Variants in NBEA observed in about 807,000 individuals in gnomAD.
NBEA encodes neurobeachin.
In NBEA, 44 loss-of-function variants were observed where a neutral mutation model predicts 343.4. That is an observed-to-expected ratio of 0.13 (90% confidence interval 0.10 to 0.16). NBEA has a LOEUF of 0.16. NBEA is among the 10% of genes least tolerant of loss of function. The pLI, the probability that NBEA is intolerant of heterozygous loss-of-function variation, is 1.00. For missense variants in NBEA, 2,555 were observed against 3,631.3 expected, an observed-to-expected ratio of 0.70 and a Z score of 7.62; for synonymous variants, 1,175 against 1,238.7, an observed-to-expected ratio of 0.95 and a Z score of 1.08.
At chr13:35,076,079 G>T (rs1033879163) in intron 10 of NBEA, among the ~76,000 whole-genome samples, 2 of 151,706 alleles carry the variant, frequency 1.3e-5, no homozygotes, top group Non-Finnish European at 2.9e-5. Flanking sequence ...TTATCTTATG[G>T]AGGTGGTGGT....
chr13:35,333,077 T>G (rs1337105649), intron 36 of NBEA, among the ~76,000 whole-genome samples: 1 of 152,132 alleles, frequency 6.6e-6, no homozygotes, highest in Non-Finnish European at 1.5e-5. Context: ...TAGTGGACTC[T>G]TCTTGTTATC....
At chr13:35,273,675 A>C (rs2034353889) in intron 34 of NBEA, among the ~76,000 whole-genome samples, 1 of 152,174 alleles carries the variant, frequency 6.6e-6, no homozygotes, top group Admixed American at 6.5e-5. Flanking sequence ...AAAATGATAA[A>C]GGGGATATCA....
intron 8 of NBEA, among the ~76,000 whole-genome samples, chr13:35,069,299 CAA>C (rs1253371576): frequency 6.6e-6 from 1 of 152,112 alleles, no homozygotes; most frequent in Non-Finnish European, 1.5e-5. Context: ...CCACATCTAA[CAA>C]TACCTTTCTT....
At chr13:35,414,106 C>G (rs1002532382) in intron 38 of NBEA, among the ~76,000 whole-genome samples, 1 of 152,022 alleles carries the variant, frequency 6.6e-6, no homozygotes, top group African/African-American at 2.4e-5. Flanking sequence ...TTTTATATAC[C>G]AAACTGAGGA....
chr13:35,403,914 A>T (rs2152909317), intron 38 of NBEA, among the ~76,000 whole-genome samples: 1 of 152,278 alleles, frequency 6.6e-6, no homozygotes, highest in East Asian at 1.9e-4. Flanking sequence ...TACAAGAAAA[A>T]AACAACACCA....
At chr13:35,656,062 A>G (rs936909699) in intron 55 of NBEA, among the ~76,000 whole-genome samples, 2 of 152,160 alleles carry the variant, frequency 1.3e-5, no homozygotes, top group Non-Finnish European at 2.9e-5. Context: ...ATTAAACCTC[A>G]TATTATTTCT....
chr13:35,325,908 A>G (rs1287994517), intron 36 of NBEA, among the ~76,000 whole-genome samples: 1 of 152,064 alleles, frequency 6.6e-6, no homozygotes, highest in Non-Finnish European at 1.5e-5. Context: ...TTTATTGAAT[A>G]AGGAGTCCTT....
chr13:35,269,247 G>A (rs2033939648), intron 34 of NBEA, among the ~76,000 whole-genome samples: 1 of 152,044 alleles, frequency 6.6e-6, no homozygotes, highest in Non-Finnish European at 1.5e-5. Context: ...TTTAGTCGAT[G>A]CAGAAAATGC....
rs1358110053 is a variant in NBEA, at chr13:35,396,358, C to A, written c.6180-35911C>A. On this transcript the variant is annotated intron_variant, in intron 38 of 58. Coordinates refer to ENST00000379939, the MANE Select transcript of NBEA (RefSeq NM_001385012.1). ...TTATTTCTGCTTTGTGCTCTATTCT[C>A]CCTTTCATTCTTTTTTTGAATTATA... Among the ~76,000 whole-genome samples the A allele has an allele frequency of 2.0e-5, 3 of 151,788 alleles. No individual in the cohort carries two copies. The East Asian group carries it at 5.8e-4, about 29-fold the overall frequency.
intron 47 of NBEA, among the ~76,000 whole-genome samples, chr13:35,602,679 A>G (rs1002048571): frequency 3.9e-5 from 6 of 152,180 alleles, no homozygotes; most frequent in African/African-American, 1.2e-4. Context: ...ATTTATGACC[A>G]CATTTGGGTG....
At chr13:35,647,951 C>T (rs763578130) in intron 51 of NBEA, among the ~76,000 whole-genome samples, 5 of 152,092 alleles carry the variant, frequency 3.3e-5, no homozygotes, top group Non-Finnish European at 5.9e-5. Context: ...TCATGGCTCA[C>T]TGCAGCCTCA....
At chr13:35,260,826 C>A (rs1593980044) in intron 34 of NBEA, among the ~76,000 whole-genome samples, 1 of 152,100 alleles carries the variant, frequency 6.6e-6, no homozygotes, top group Admixed American at 6.5e-5. Flanking sequence ...TAATTGATTT[C>A]CTGGGACAGA....
At chr13:35,064,721 A>T (rs143093195) in intron 8 of NBEA, among the ~76,000 whole-genome samples, 50 of 151,894 alleles carry the variant, frequency 3.3e-4, no homozygotes, top group African/African-American at 1.2e-3. Flanking sequence ...CCCTAATCCA[A>T]TGTGACTAGT....
chr13:35,201,987 T>C (rs931290353), intron 31 of NBEA, among the ~76,000 whole-genome samples: 2 of 152,126 alleles, frequency 1.3e-5, no homozygotes, highest in African/African-American at 2.4e-5. Context: ...AATTCTGAAA[T>C]AATTCTTGTT....
intron 40 of NBEA, among the ~76,000 whole-genome samples, chr13:35,465,319 T>G (rs1000105312): frequency 3.3e-5 from 5 of 152,154 alleles, no homozygotes; most frequent in Non-Finnish European, 5.9e-5. Flanking sequence ...GTGAACAAGA[T>G]AATAACCCCT....
chr13:35,327,461 A>G (rs180891636), intron 36 of NBEA, among the ~76,000 whole-genome samples: 8 of 152,186 alleles, frequency 5.3e-5, no homozygotes, highest in Admixed American at 3.9e-4. Flanking sequence ...GAGGAATTAA[A>G]TCACGTTCTT....
At chr13:35,267,971 T>C (rs553173013) in intron 34 of NBEA, among the ~76,000 whole-genome samples, 1 of 152,046 alleles carries the variant, frequency 6.6e-6, no homozygotes, top group African/African-American at 2.4e-5. Context: ...ATTAAAAATA[T>C]AATTACCATG....
intron 18 of NBEA, among the ~76,000 whole-genome samples, chr13:35,150,099 C>T (rs1242285319): frequency 6.6e-6 from 1 of 152,108 alleles, no homozygotes; most frequent in African/African-American, 2.4e-5. Flanking sequence ...TGAGGCAGAG[C>T]TCCTGAAATG....
chr13:34,976,434 G>A (rs897400514), intron 1 of NBEA, among the ~76,000 whole-genome samples: 5 of 152,004 alleles, frequency 3.3e-5, no homozygotes, highest in African/African-American at 9.7e-5. Flanking sequence ...AAGAATGGGG[G>A]GTGGCAAAGG....
Sources: allele counts gnomAD v4.1 joint callset (sites outside exome capture counted in the v4.1 genomes callset), GRCh38; gene constraint gnomAD v4.1.1; transcripts MANE v1.5; gene names NCBI Gene and HGNC (gene_info 2026-07-23, HGNC 2026-07-21).